ZXDA: variants seen among roughly 807,000 people sequenced by gnomAD.
The protein encoded by ZXDA is zinc finger X-linked protein ZXDA.
In ZXDA, 5 loss-of-function variants were observed where a neutral mutation model predicts 10.1. That is an observed-to-expected ratio of 0.50 (90% confidence interval 0.26 to 1.04). The LOEUF (loss-of-function observed/expected upper bound fraction) is 1.04. ZXDA is among the 50% of genes least tolerant of loss of function. ZXDA has a pLI of 0.14. For synonymous variants in ZXDA, 266 were observed against 313.1 expected (o/e 0.85, Z 1.59); for missense variants, 501 against 672.4 (o/e 0.75, Z 2.82).
In ZXDA at chrX:57,910,324, C is replaced by G. The variant is rs1420756648; in HGVS notation, c.97G>C (p.Asp33His). Reference protein sequence around the residue: ...AGGGRVHRGPDSPAGQVPTRR... With the variant: ...AGGGRVHRGPHSPAGQVPTRR... ...GTGGGGACCTGGCCAGCCGGCGAGT[C>G]AGGGCCTCGGTGGACTCGGCCGCCA... Residue 33 changes from aspartate (D) to histidine (H), a missense_variant, in exon 1 of 1, where the codon GAC (aspartate) becomes CAC (histidine). By Grantham distance (81) the Asp-to-His change is moderately conservative (BLOSUM62 -1). Around this residue, in one of 5 missense-constraint regions of ZXDA, gnomAD observed 15 missense variants for 41.3 expected, o/e 0.36. Coordinates refer to ENST00000358697, the MANE Select transcript of ZXDA (RefSeq NM_007156.5). 9.6e-7 allele frequency: 1 copy of G among 1,037,670 alleles called. No homozygotes were observed. Among genetic ancestry groups the G allele is most frequent in the Non-Finnish European group, 1.2e-6 (1 of 817,207 alleles). The allele number at this position is 1,037,670 out of a possible 1,213,427, so 85.5% of individuals were successfully genotyped here. A position where few individuals can be genotyped will look rare whatever the true frequency, so the allele number is the denominator to read the frequency against.
chrX:57,907,069 A>C lies in ZXDA; in HGVS notation c.*952T>G, dbSNP rs1297135802. 1.8e-5 allele frequency: 2 copies of C among 112,822 alleles called. No homozygotes were observed. Among genetic ancestry groups the C allele is most frequent in the South Asian group, 3.6e-4 (1 of 2,758 alleles). 9.3% of individuals were successfully genotyped at this position (112,822 alleles called of 1,213,427 possible). On this transcript the variant is annotated 3_prime_UTR_variant, in exon 1 of 1. Transcript: ENST00000358697. ...GACATGTGGCCAATGCCACAAAAGA[A>C]CTGTGTGTAGAAAAATCCTTAATCT...
rs184010187 is a variant in ZXDA at position 57,908,044 on chromosome X, T to C, written c.2377A>G (p.Thr793Ala). Reference sequence around the variant, plus strand: ...CTTCATACCAAAAATGAGCTGCCAGTCACAGTGATAAGATTTCTTTCTTTC... The same window carrying C: ...CTTCATACCAAAAATGAGCTGCCAGCCACAGTGATAAGATTTCTTTCTTTC... ...SQKERNLITV[T>A]GSSFLV is the part of the protein sequence containing the mutation. Residue 793 changes from threonine to alanine, a missense_variant, in exon 1 of 1, where the codon ACT (threonine) becomes GCT (alanine). Physicochemically the swap from Thr to Ala is moderately conservative, Grantham distance 58. This residue lies in a region of ZXDA where 46 missense variants were observed against 54.1 expected (regional missense o/e 0.85). Coordinates refer to ENST00000358697, the MANE Select transcript of ZXDA (RefSeq NM_007156.5). The C allele has an allele frequency of 3.3e-6, 4 of 1,207,990 alleles. No individual in the cohort carries two copies. The East Asian group carries it at 1.2e-4, about 36-fold the overall frequency.
rs763543279 is a variant in ZXDA, at chrX:57,908,863, T to C, written c.1558A>G (p.Arg520Gly). The change falls in exon 1 of 1, where the codon AGG (arginine) becomes GGG (glycine). Residue 520 changes from arginine to glycine, a missense_variant. Around this residue, in one of 5 missense-constraint regions of ZXDA, gnomAD observed 171 missense variants for 262.7 expected, o/e 0.65. Transcript: ENST00000358697. ...TAGAGGCTACTGCGAGCAGAGAACC[T>C]GGCACAGCAGCCTGCCACAGGACAC... ...FVCPVAGCCARFSARSSLYIH... is the reference protein window; with the variant it reads ...FVCPVAGCCAGFSARSSLYIH... 8 of 1,210,907 alleles carry C rather than the reference T, an allele frequency of 6.6e-6. No homozygotes were observed. The highest frequency in any genetic ancestry group is 8.9e-6 in the Non-Finnish European group (8 of 895,165).
chrX:57,905,515 T>C lies in ZXDA; in HGVS notation c.*2506A>G, dbSNP rs2014355045. 8.9e-6 allele frequency among the ~76,000 whole-genome samples: 1 copy of C among 111,820 alleles called. No homozygotes were observed. ...GAAGATAAACAAAAGGCAAATGAGA[T>C]AAAATTAAATCATGTTCCATTGTTT... On this transcript the variant is annotated 3_prime_UTR_variant, in exon 1 of 1. Coordinates refer to ENST00000358697, the MANE Select transcript of ZXDA (RefSeq NM_007156.5).
At position 57,909,734 on chromosome X, in the gene ZXDA, T is replaced by C. The variant is rs757944065; in HGVS notation, c.687A>G (p.Leu229=). ...CAGGCGCGGGTTCTGCGGGCTCGGC[T>C]AGCAGGAGGTCGGACCGCAGCTCTG... The part of the protein sequence containing the change: ...DCPELRSDLL[L]AEPAEPAPAP... Residue 229 remains leucine (L), a synonymous_variant, in exon 1 of 1, where the codon CTA becomes CTG. Coordinates refer to ENST00000358697, the MANE Select transcript of ZXDA (RefSeq NM_007156.5). 6.9e-5 allele frequency: 82 copies of C among 1,187,220 alleles called. No individual in the cohort carries two copies. The highest frequency in any genetic ancestry group is 8.9e-5 in the Non-Finnish European group (79 of 884,659).
Position 57,908,049 on chromosome X carries a change from G to C in ZXDA, c.2372C>G (p.Thr791Ser). The C allele has an allele frequency of 8.3e-7, 1 of 1,210,594 alleles. No individual in the cohort carries two copies. The highest frequency in any genetic ancestry group is 1.1e-6 in the Non-Finnish European group (1 of 894,896). Residue 791 changes from threonine (T) to serine (S), a missense_variant, in exon 1 of 1, where the codon ACT becomes AGT. By Grantham distance (58) the Thr-to-Ser change is moderately conservative. Coordinates refer to ENST00000358697, the MANE Select transcript of ZXDA (RefSeq NM_007156.5). Reference protein sequence around the residue: ...HGSQKERNLITVTGSSFLV With the variant: ...HGSQKERNLISVTGSSFLV ...TACCAAAAATGAGCTGCCAGTCACA[G>C]TGATAAGATTTCTTTCTTTCTGAGA...
rs1226394927 is a variant in ZXDA at position 57,905,568 on chromosome X, C to G, written c.*2453G>C. Among the ~76,000 whole-genome samples the G allele has an allele frequency of 8.9e-6, 1 of 112,006 alleles. No homozygotes were observed. Among genetic ancestry groups the G allele is most frequent in the Non-Finnish European group, 1.9e-5 (1 of 53,211 alleles). ...ACAAAAAGGCAAGCTTATGCCAACA[C>G]TAACAGAAACACTAATATGTTTACA... On this transcript the variant is annotated 3_prime_UTR_variant, in exon 1 of 1. Coordinates refer to ENST00000358697, the MANE Select transcript of ZXDA (RefSeq NM_007156.5).
rs767522573 is a variant in ZXDA at position 57,910,222 on chromosome X, G to A, written c.199C>T (p.Arg67Trp). Residue 67 changes from arginine (R) to tryptophan (W), a missense_variant, in exon 1 of 1, where the codon CGG (arginine) becomes TGG (tryptophan). By Grantham distance (101) the Arg-to-Trp change is moderately radical. Around this residue, in one of 5 missense-constraint regions of ZXDA, gnomAD observed 251 missense variants for 221.6 expected, o/e 1.13. Coordinates refer to ENST00000358697, the MANE Select transcript of ZXDA (RefSeq NM_007156.5). ...RRREEASTAS[R>W]GPGPSLFAPR... ...GCGAACAGGCTTGGGCCAGGGCCCCGTGATGCCGTGCTGGCCTCCTCGCGC... is the reference window on the plus strand; with the variant it reads ...GCGAACAGGCTTGGGCCAGGGCCCCATGATGCCGTGCTGGCCTCCTCGCGC... 2 of 1,185,189 alleles carry A rather than the reference G, an allele frequency of 1.7e-6. No individual in the cohort carries two copies. The highest frequency in any genetic ancestry group is 2.3e-5 in the Admixed American group (1 of 44,374).
Sources: gnomAD v4.1 joint callset for allele counts (sites outside exome capture counted in the v4.1 genomes callset) on GRCh38, gnomAD v4.1.1 for gene constraint, gnomAD v4.1.1 regional missense constraint, MANE v1.5 for transcripts, NCBI Gene and HGNC (gene_info 2026-07-23, HGNC 2026-07-21) for gene names.